COLEC10: variants seen among roughly 807,000 people sequenced by gnomAD.
COLEC10 encodes the protein collectin subfamily member 10.
A neutral mutation model predicts 28.4 loss-of-function variants in COLEC10; 22 were observed. The observed-to-expected ratio is 0.78, with a 90% CI of 0.55 to 1.11. COLEC10 has a LOEUF of 1.11. Among genes scored for constraint, COLEC10 ranks in the 50% least tolerant of loss-of-function variants. COLEC10 has a pLI of 0.00. For synonymous variants in COLEC10, 125 were observed against 116.1 expected, an observed-to-expected ratio of 1.08 and a Z score of -0.49; for missense variants, 361 against 344.1, an observed-to-expected ratio of 1.05 and a Z score of -0.39.
chr8:119,095,602 T>A (rs1043989104), intron 3 of COLEC10, among the ~76,000 whole-genome samples: 14 of 152,108 alleles, frequency 9.2e-5, no homozygotes, highest in African/African-American at 3.4e-4. Context: ...CTTGGAAGAC[T>A]GAGGTGGGAG....
chr8:119,038,629 T>A lies in COLEC10; in HGVS notation n.235+29076T>A, dbSNP rs1814434278. The stretch of plus-strand genomic sequence containing the variant: ...TATATAAGTTGGCATTTGAACTTGT[T>A]TTAGAAATGTATTTAAACCAACAGA... On this transcript the variant is annotated intron_variant and non_coding_transcript_variant, in intron 2 of 6. Coordinates refer to the COLEC10 transcript ENST00000521788. Among the ~76,000 whole-genome samples the A allele has an allele frequency of 2.6e-5, 4 of 152,252 alleles. No homozygotes were observed. In the South Asian group the frequency reaches 8.3e-4, roughly 31 times the overall value.
At chr8:119,009,264 GT>G (rs1813862137) in intron 1 of COLEC10, among the ~76,000 whole-genome samples, 1 of 150,918 alleles carries the variant, frequency 6.6e-6, no homozygotes, top group Admixed American at 6.6e-5. Flanking sequence ...CAACACTTAT[GT>G]TGAACCTTGA....
intron 1 of COLEC10, among the ~76,000 whole-genome samples, chr8:119,004,583 A>C (rs1813756809): frequency 6.6e-6 from 1 of 151,050 alleles, no homozygotes; most frequent in African/African-American, 2.4e-5. Context: ...ATATGCTTGA[A>C]TATATCAATC....
chr8:119,023,601 C>T (rs1587003564), intron 2 of COLEC10, among the ~76,000 whole-genome samples: 1 of 152,084 alleles, frequency 6.6e-6, no homozygotes, highest in African/African-American at 2.4e-5. Context: ...CTTTCCTTGA[C>T]ATTTAAAAAA....
chr8:119,020,860 T>A (rs541300351), intron 2 of COLEC10, among the ~76,000 whole-genome samples: 3 of 152,146 alleles, frequency 2.0e-5, no homozygotes, highest in Non-Finnish European at 4.4e-5. Context: ...ATATTTAAAT[T>A]TATCTAAAAA....
At chr8:119,038,734 C>A (rs1207068854) in intron 2 of COLEC10, among the ~76,000 whole-genome samples, 1 of 152,156 alleles carries the variant, frequency 6.6e-6, no homozygotes, top group African/African-American at 2.4e-5. Flanking sequence ...TCTTTTGGAA[C>A]AATTGCCAGT....
In COLEC10 at chr8:119,095,937, G is replaced by A. The variant is rs189528743; in HGVS notation, c.292+4717G>A. Among the ~76,000 whole-genome samples, 428 of 152,210 alleles carry A rather than the reference G, an allele frequency of 2.8e-3. 1 individual carries two copies. The highest frequency in any genetic ancestry group is 0.01 in the Middle Eastern group (3 of 292). Reference sequence around the variant, plus strand: ...TAATTTCATGAAGAGATAGACAAATGAATTAAGGGAAGAGTCCAGAAACAC... The same window carrying A: ...TAATTTCATGAAGAGATAGACAAATAAATTAAGGGAAGAGTCCAGAAACAC... On this transcript the variant is annotated intron_variant, in intron 3 of 5. Coordinates refer to ENST00000332843, the MANE Select transcript of COLEC10 (RefSeq NM_006438.5).
At chr8:119,000,019 T>C (rs757651278) in intron 1 of COLEC10, among the ~76,000 whole-genome samples, 7 of 152,108 alleles carry the variant, frequency 4.6e-5, no homozygotes, top group East Asian at 1.9e-4. Flanking sequence ...AATGATCTCA[T>C]AGAGAGGAAG....
chr8:119,009,202 G>T (rs73709523), intron 1 of COLEC10, among the ~76,000 whole-genome samples: 2,644 of 150,970 alleles, frequency 0.018, 264 homozygotes, highest in African/African-American at 0.062. Flanking sequence ...GATGAATTTT[G>T]TGGGAAGTTA....
intron 1 of COLEC10, among the ~76,000 whole-genome samples, chr8:119,001,381 T>G (rs546686887): frequency 6.6e-6 from 1 of 152,062 alleles, no homozygotes; most frequent in East Asian, 1.9e-4. Flanking sequence ...TGACATTATA[T>G]AAATTGGAGG....
chr8:119,020,481 C>T (rs1814072145), intron 2 of COLEC10, among the ~76,000 whole-genome samples: 1 of 152,052 alleles, frequency 6.6e-6, no homozygotes, highest in African/African-American at 2.4e-5. Flanking sequence ...AGTAGATGTA[C>T]ACAGACACTT....
At chr8:119,072,701 C>A (rs1467273596) in intron 1 of COLEC10, among the ~76,000 whole-genome samples, 2 of 151,988 alleles carry the variant, frequency 1.3e-5, no homozygotes, top group Admixed American at 1.3e-4. Flanking sequence ...TTACTTAAAG[C>A]CCCCTTGGTC....
At chr8:118,999,259 G>T (rs1813645895) in intron 1 of COLEC10, among the ~76,000 whole-genome samples, 1 of 152,146 alleles carries the variant, frequency 6.6e-6, no homozygotes, top group South Asian at 2.1e-4. Context: ...AGAAGCTAGT[G>T]AATGGGAAAT....
intron 2 of COLEC10, among the ~76,000 whole-genome samples, chr8:119,043,402 C>T (rs994790565): frequency 2.0e-5 from 3 of 152,154 alleles, no homozygotes; most frequent in Non-Finnish European, 2.9e-5. Flanking sequence ...GTCCCTGTAA[C>T]CAAGAGCAAC....
chr8:119,087,910 G>A (rs943693155), intron 1 of COLEC10, among the ~76,000 whole-genome samples: 1 of 152,034 alleles, frequency 6.6e-6, no homozygotes, highest in East Asian at 1.9e-4. Flanking sequence ...AGAGCAATAC[G>A]AGTTTCCATC....
the COLEC10 span, among the ~76,000 whole-genome samples, chr8:118,972,054 T>C: frequency 1.3e-5 from 2 of 151,996 alleles, no homozygotes; most frequent in Admixed American, 6.6e-5. Context: ...TGAATTTGTT[T>C]GCTGCTAACA....
At chr8:119,046,646 C>T (rs536517159) in intron 2 of COLEC10, among the ~76,000 whole-genome samples, 2 of 152,278 alleles carry the variant, frequency 1.3e-5, no homozygotes, top group South Asian at 4.1e-4. Flanking sequence ...TTTCACTCCA[C>T]ACATTTAATC....
At chr8:118,952,831 T>C in the COLEC10 span, among the ~76,000 whole-genome samples, 25,092 of 152,208 alleles carry the variant, frequency 0.16, 2,129 homozygotes, top group African/African-American at 0.22. Context: ...TCTCCCCCAT[T>C]AATTCCCTGG....
At chr8:119,097,146 A>T (rs2130295463) in intron 3 of COLEC10, among the ~76,000 whole-genome samples, 1 of 152,258 alleles carries the variant, frequency 6.6e-6, no homozygotes, top group East Asian at 1.9e-4. Flanking sequence ...AATAATCTGT[A>T]GATGACACAA....
Sources: gnomAD v4.1 joint callset for allele counts (sites outside exome capture counted in the v4.1 genomes callset) on GRCh38, gnomAD v4.1.1 for gene constraint, MANE v1.5 for transcripts, NCBI Gene and HGNC (gene_info 2026-07-23, HGNC 2026-07-21) for gene names.